Variants in STX18 observed in about 807,000 individuals in gnomAD.
STX18 encodes syntaxin 18, also known as syntaxin-18.
STX18 carries 40 observed loss-of-function variants against 50.1 expected under a neutral mutation model. The observed-to-expected ratio is 0.80, with a 90% CI of 0.62 to 1.04. STX18 has a LOEUF of 1.04. Ranked by LOEUF, STX18 falls within the 50% of genes least tolerant of loss-of-function variation. STX18 has a pLI of 0.00. For missense variants in STX18, 410 were observed against 415.8 expected, an observed-to-expected ratio of 0.99 and a Z score of 0.12; for synonymous variants, 158 against 151.8, an observed-to-expected ratio of 1.04 and a Z score of -0.30.
chr4:4,434,662 ACT>A (rs1238001553), intron 7 of STX18, 106 bp downstream of exon 7: 1 of 810,898 alleles, frequency 1.2e-6, no homozygotes, highest in African/African-American at 1.8e-5. Flanking sequence ...AATTTTTAAA[ACT>A]CAGTATAAAA....
chr4:4,499,476 T>TGAAATGCA, intron 1 of STX18: 2 of 985,102 alleles, frequency 2.0e-6, no homozygotes, highest in Non-Finnish European at 2.4e-6. Flanking sequence ...AAACAGCATT[T>TGAAATGCA]CATATGCACA....
chr4:4,458,183 G>C (rs1727182409), intron 3 of STX18, among the ~76,000 whole-genome samples: 1 of 152,184 alleles, frequency 6.6e-6, no homozygotes, highest in South Asian at 2.1e-4. Flanking sequence ...CGAGTTTCCT[G>C]ATTTTTACAC....
At chr4:4,521,664 T>A (rs748245097) in intron 1 of STX18, among the ~76,000 whole-genome samples, 31 of 152,022 alleles carry the variant, frequency 2.0e-4, no homozygotes, top group Admixed American at 5.2e-4. Flanking sequence ...TATTTGTAGT[T>A]GTCATTAAAA....
At chr4:4,492,998 T>C (rs1305020272) in intron 1 of STX18, among the ~76,000 whole-genome samples, 2 of 152,238 alleles carry the variant, frequency 1.3e-5, no homozygotes, top group Non-Finnish European at 2.9e-5. Flanking sequence ...TTAAAAGTTA[T>C]TCACATTCTG....
intron 1 of STX18, among the ~76,000 whole-genome samples, chr4:4,518,732 A>G (rs2887410): frequency 0.16 from 23,629 of 152,226 alleles, 1,896 homozygotes; most frequent in Non-Finnish European, 0.18. Flanking sequence ...AAAAGATTAT[A>G]AAATAATGAA....
intron 1 of STX18, among the ~76,000 whole-genome samples, chr4:4,488,091 C>T (rs1426281645): frequency 6.6e-6 from 1 of 151,936 alleles, no homozygotes; most frequent in African/African-American, 2.4e-5. Flanking sequence ...ACTCAAAAGG[C>T]ATATAGTCTC....
At chr4:4,463,704 C>T (rs1167112659) in intron 2 of STX18, among the ~76,000 whole-genome samples, 4 of 152,140 alleles carry the variant, frequency 2.6e-5, no homozygotes, top group Non-Finnish European at 5.9e-5. Flanking sequence ...CTGTAGCTTC[C>T]ATTTTTTACA....
intron 5 of STX18, among the ~76,000 whole-genome samples, chr4:4,444,610 T>C (rs1466827152): frequency 6.6e-6 from 1 of 152,244 alleles, no homozygotes; most frequent in African/African-American, 2.4e-5. Flanking sequence ...GAGTTTGCCC[T>C]ATGTGCCTTT....
At chr4:4,474,760 T>C (rs1728090142) in intron 1 of STX18, among the ~76,000 whole-genome samples, 2 of 152,106 alleles carry the variant, frequency 1.3e-5, no homozygotes, top group Non-Finnish European at 2.9e-5. Context: ...CTCTAGAAGC[T>C]GGAAAGGGCA....
intron 1 of STX18, among the ~76,000 whole-genome samples, chr4:4,496,076 TTC>T (rs992559076): frequency 3.0e-4 from 45 of 152,334 alleles, no homozygotes; most frequent in African/African-American, 7.7e-4. Flanking sequence ...AAAATGAGAT[TTC>T]TCTTTTTATA....
At chr4:4,440,698 T>C (rs1726058365) in intron 5 of STX18, among the ~76,000 whole-genome samples, 1 of 152,250 alleles carries the variant, frequency 6.6e-6, no homozygotes, top group Non-Finnish European at 1.5e-5. Context: ...ACAGAGTTTT[T>C]TGAGAGCAGT....
chr4:4,479,566 A>G (rs185254409), intron 1 of STX18, among the ~76,000 whole-genome samples: 78 of 152,314 alleles, frequency 5.1e-4, no homozygotes, highest in African/African-American at 1.9e-3. Context: ...ATACTTAACC[A>G]AACAAGTTAT....
At chr4:4,486,284 C>T (rs1487285789) in intron 1 of STX18, among the ~76,000 whole-genome samples, 2 of 152,186 alleles carry the variant, frequency 1.3e-5, no homozygotes, top group African/African-American at 4.8e-5. Flanking sequence ...ATTCTAGTTA[C>T]TGAGGTTATC....
At chr4:4,539,354 C>G (rs1731476253) in intron 1 of STX18, among the ~76,000 whole-genome samples, 1 of 152,128 alleles carries the variant, frequency 6.6e-6, no homozygotes. Flanking sequence ...ATAAGGAATC[C>G]AGGCCAAACA....
chr4:4,483,938 T>C (rs557023428), intron 1 of STX18, among the ~76,000 whole-genome samples: 1 of 152,240 alleles, frequency 6.6e-6, no homozygotes, highest in African/African-American at 2.4e-5. Context: ...CTCAGCTCAC[T>C]GCAACCTCCA....
intron 5 of STX18, among the ~76,000 whole-genome samples, chr4:4,442,057 GAGGC>G (rs1375365201): frequency 2.6e-5 from 4 of 152,088 alleles, no homozygotes; most frequent in Admixed American, 2.6e-4. Context: ...TTAGGAAGGG[GAGGC>G]AATAATAGCC....
At chr4:4,509,775 T>G (rs1729912846) in intron 1 of STX18, among the ~76,000 whole-genome samples, 1 of 151,660 alleles carries the variant, frequency 6.6e-6, no homozygotes, top group African/African-American at 2.4e-5. Context: ...GTGGTCAGGA[T>G]GAACTTACTG....
At chr4:4,481,440 TA>T (rs1461666953) in intron 1 of STX18, among the ~76,000 whole-genome samples, 2 of 152,168 alleles carry the variant, frequency 1.3e-5, no homozygotes, top group Non-Finnish European at 2.9e-5. Flanking sequence ...TGGCATATTG[TA>T]AAAAGGTCCC....
intron 5 of STX18, among the ~76,000 whole-genome samples, chr4:4,445,150 C>T (rs184812896): frequency 4.3e-3 from 650 of 152,208 alleles, no homozygotes; most frequent in Non-Finnish European, 6.7e-3. Flanking sequence ...GCCTGTAATC[C>T]CAGCACTTTA....
Sources: gnomAD v4.1 joint callset for allele counts (sites outside exome capture counted in the v4.1 genomes callset) on GRCh38, gnomAD v4.1.1 for gene constraint, MANE v1.5 for transcripts, NCBI Gene and HGNC (gene_info 2026-07-23, HGNC 2026-07-21) for gene names.